Variants in HAS3 observed in about 807,000 individuals in gnomAD.
HAS3 encodes the protein HA synthase 3.
HAS3 carries 27 observed loss-of-function variants against 50.3 expected under a neutral mutation model. The observed-to-expected ratio is 0.54, with a 90% CI of 0.40 to 0.74. The LOEUF (loss-of-function observed/expected upper bound fraction) is 0.74. Among genes scored for constraint, HAS3 ranks in the 30% least tolerant of loss-of-function variants. The pLI is 0.00. For synonymous variants in HAS3, 339 were observed against 310.9 expected, an observed-to-expected ratio of 1.09 and a Z score of -0.95; for missense variants, 517 against 742.8, an observed-to-expected ratio of 0.70 and a Z score of 3.53.
In HAS3 at chr16:69,109,721, A is replaced by G; in HGVS notation, c.326A>G (p.Gln109Arg). The G allele has an allele frequency of 6.2e-7, 1 of 1,611,004 alleles. No homozygotes were observed. Among genetic ancestry groups the G allele is most frequent in the African/African-American group, 1.3e-5 (1 of 75,040 alleles). ...TTGCGCAAGTGCCTGCGCTCGGCCC[A>G]GCGCATCTCCTTCCCTGACCTCAAG... Reference protein sequence around the residue: ...DYLRKCLRSAQRISFPDLKVV... With the variant: ...DYLRKCLRSARRISFPDLKVV... Residue 109 changes from glutamine (Q) to arginine (R), a missense_variant, in exon 2 of 4, where the codon CAG becomes CGG. Gln to Arg is a conservative substitution (Grantham distance 43). Transcript: ENST00000569188. The surrounding 1 kb of genome is among the most constrained non-coding windows in gnomAD (Gnocchi z 5.3).
chr16:69,089,545 C>T, the HAS3 span, among the ~76,000 whole-genome samples: 5 of 152,206 alleles, frequency 3.3e-5, no homozygotes, highest in Non-Finnish European at 7.3e-5. Context: ...CACTGCAGTG[C>T]GCGGCACCTC....
rs1407119538 is a variant in HAS3, at chr16:69,114,951, C to A, written c.1347C>A (p.Ser449Arg). 2 of 1,614,134 alleles carry A rather than the reference C, an allele frequency of 1.2e-6. No homozygotes were observed. The highest frequency in any genetic ancestry group is 1.7e-6 in the Non-Finnish European group (2 of 1,180,014). Residue 449 changes from serine (S) to arginine (R), a missense_variant, in exon 4 of 4, where the codon AGC (serine) becomes AGA (arginine). Coordinates refer to ENST00000569188, the MANE Select transcript of HAS3 (RefSeq NM_001199280.2). The surrounding 1 kb of genome is among the most constrained non-coding windows in gnomAD (Gnocchi z 6.4). The part of the protein sequence containing the change: ...MSLYSLLYMS[S>R]LLPAKIFAIA... ...TCTACTCCCTCCTCTATATGTCCAG[C>A]CTTCTGCCGGCCAAGATCTTTGCCA...
intron 2 of HAS3, among the ~76,000 whole-genome samples, chr16:69,111,555 G>A (rs139769205): frequency 1.3e-3 from 192 of 152,310 alleles, no homozygotes; most frequent in Non-Finnish European, 1.8e-3. Flanking sequence ...CCCCTAATAC[G>A]ATTTTTCTCT....
chr16:69,091,602 T>C, the HAS3 span, among the ~76,000 whole-genome samples: 1 of 152,114 alleles, frequency 6.6e-6, no homozygotes, highest in African/African-American at 2.4e-5. Flanking sequence ...TCTAAATAAT[T>C]CAGGACTAGG....
the HAS3 span, among the ~76,000 whole-genome samples, chr16:69,088,837 G>A: frequency 5.3e-5 from 8 of 152,092 alleles, no homozygotes; most frequent in Non-Finnish European, 1.0e-4. Context: ...TAAGAGGATC[G>A]CTTGTGTCCA....
chr16:69,093,625 G>C, the HAS3 span, among the ~76,000 whole-genome samples: 1 of 146,432 alleles, frequency 6.8e-6, no homozygotes, highest in Non-Finnish European at 1.5e-5. Context: ...CCACCTCCCG[G>C]GTTCAGGCAT....
At chr16:69,099,741 T>C in the HAS3 span, among the ~76,000 whole-genome samples, 2 of 152,222 alleles carry the variant, frequency 1.3e-5, no homozygotes, top group East Asian at 1.9e-4. Flanking sequence ...TATTCCTCCA[T>C]TGTCCTCATG....
chr16:69,110,773 C>T (rs1329729987), intron 2 of HAS3, among the ~76,000 whole-genome samples: 2 of 152,210 alleles, frequency 1.3e-5, no homozygotes, highest in African/African-American at 4.8e-5. Flanking sequence ...TGATGCAGCA[C>T]TGCCTCAGCA....
At position 69,109,252 on chromosome 16, in the gene HAS3, G is replaced by C. The variant is rs916466438; in HGVS notation, c.1-144G>C. The C allele has an allele frequency of 1.5e-5, 12 of 789,090 alleles. No individual in the cohort carries two copies. Among genetic ancestry groups the C allele is most frequent in the Non-Finnish European group, 2.4e-5 (12 of 508,436 alleles). The allele number at this position is 789,090 out of a possible 1,614,324, so 48.9% of individuals were successfully genotyped here. ...TCTGAACCCCAGTAGTCTGGCTTCT[G>C]AGTCTACCAAGTCTTATGCTCAGTA... On this transcript the variant is annotated intron_variant, in intron 1 of 3. Transcript: ENST00000569188. The surrounding 1 kb of genome is among the most constrained non-coding windows in gnomAD (Gnocchi z 5.3).
rs529431373 is a variant in HAS3 at position 69,111,831 on chromosome 16, G to C, written c.637-1610G>C. On this transcript the variant is annotated intron_variant, in intron 2 of 3. Transcript: ENST00000569188. ...CACAGGCTCAAGCCACAGTGACTTT[G>C]TCATCTATTCCCTTCAAGCACAGGA... Among the ~76,000 whole-genome samples, 42 of 152,268 alleles carry C rather than the reference G, an allele frequency of 2.8e-4. 2 individuals are homozygous for C. The South Asian group carries it at 6.8e-3, about 25-fold the overall frequency.
the HAS3 span, among the ~76,000 whole-genome samples, chr16:69,086,548 G>A: frequency 2.0e-5 from 3 of 151,850 alleles, no homozygotes; most frequent in Non-Finnish European, 4.4e-5. Flanking sequence ...GTGTGTGTGT[G>A]TGTGTGTGTG....
In HAS3 at chr16:69,107,311, G is replaced by A. The variant is rs1567578092; in HGVS notation, c.-1+1524G>A. On this transcript the variant is annotated intron_variant, in intron 1 of 3. Transcript: ENST00000569188. The surrounding 1 kb of genome is among the most constrained non-coding windows in gnomAD (Gnocchi z 5.5). ...TAATGCCTCTAATTCCTGCGGGGGA[G>A]GGGTCCCGCCCAGGGAAGGAGAGGG... 1 of 980,968 alleles carries A rather than the reference G, an allele frequency of 1.0e-6. No homozygotes were observed. Among genetic ancestry groups the A allele is most frequent in the Non-Finnish European group, 1.2e-6 (1 of 825,928 alleles). 60.8% of individuals were successfully genotyped at this position (980,968 alleles called of 1,614,324 possible). A position where few individuals can be genotyped will look rare whatever the true frequency, so the allele number is the denominator to read the frequency against.
chr16:69,104,876 C>A (rs1294421277), upstream of HAS3, among the ~76,000 whole-genome samples: 2 of 150,848 alleles, frequency 1.3e-5, no homozygotes, highest in African/African-American at 2.4e-5. Flanking sequence ...CTAAAACTTG[C>A]GAGAGGAGAA....
the HAS3 span, among the ~76,000 whole-genome samples, chr16:69,088,377 T>TGGCGAAA: frequency 6.6e-6 from 1 of 151,696 alleles, no homozygotes; most frequent in Non-Finnish European, 1.5e-5. Context: ...CTGGCCAACA[T>TGGCGAAA]GGCGAAACCC....
Position 69,115,119 on chromosome 16 carries a change from C to G in HAS3, c.1515C>G (p.Phe505Leu). The G allele has an allele frequency of 6.2e-7, 1 of 1,611,316 alleles. No homozygotes were observed. Among genetic ancestry groups the G allele is most frequent in the Middle Eastern group, 1.7e-4 (1 of 6,048 alleles). The part of the protein sequence containing the change: ...LAYTAYCQDL[F>L]SETELAFLVS... Reference sequence around the variant, plus strand: ...ACACAGCTTATTGCCAGGACCTGTTCAGTGAGACAGAGCTAGCCTTCCTTG... The same window carrying G: ...ACACAGCTTATTGCCAGGACCTGTTGAGTGAGACAGAGCTAGCCTTCCTTG... Residue 505 changes from phenylalanine to leucine, a missense_variant, in exon 4 of 4, where the codon TTC becomes TTG. Transcript: ENST00000569188.
In HAS3 at chr16:69,109,129, C is replaced by A. The variant is rs1077518; in HGVS notation, c.1-267C>A. 0.023 allele frequency among the ~76,000 whole-genome samples: 3,466 copies of A among 152,290 alleles called. 135 individuals are homozygous for A. The highest frequency in any genetic ancestry group is 0.08 in the African/African-American group (3,309 of 41,542). On this transcript the variant is annotated intron_variant, in intron 1 of 3. Transcript: ENST00000569188. This position sits in a 1 kb window ranked among gnomAD's most constrained non-coding sequence, Gnocchi z 5.3. ...GCTACACTAAGGGCTTTGTATGTGT[C>A]GCCCATTTAACCCTCAAAGATGCCT...
the HAS3 span, among the ~76,000 whole-genome samples, chr16:69,099,173 G>A: frequency 1.6e-4 from 24 of 151,376 alleles, no homozygotes; most frequent in East Asian, 3.9e-4. Flanking sequence ...GGGTTTCACC[G>A]TGTTAGCCAG....
Position 69,114,218 on chromosome 16 carries a change from G to A in HAS3, c.739-125G>A, listed in dbSNP as rs1222497185. On this transcript the variant is annotated intron_variant, in intron 3 of 3. Transcript: ENST00000569188. The surrounding 1 kb of genome is among the most constrained non-coding windows in gnomAD (Gnocchi z 6.4). ...GAGCCTCAGGTTTCCCAGCTCCAAA[G>A]GAACCGATGGCCAGGAATCTAAGCA... is the stretch of plus-strand genomic sequence containing the variant. 1 of 1,437,642 alleles carries A rather than the reference G, an allele frequency of 7.0e-7. No homozygotes were observed. Among genetic ancestry groups the A allele is most frequent in the Non-Finnish European group, 9.3e-7 (1 of 1,080,374 alleles). 89.1% of individuals were successfully genotyped at this position (1,437,642 alleles called of 1,614,324 possible). A position where few individuals can be genotyped will look rare whatever the true frequency, so the allele number is the denominator to read the frequency against.
In HAS3 at chr16:69,112,214, C is replaced by A. The variant is rs116934840; in HGVS notation, c.637-1227C>A. 9.8e-3 allele frequency among the ~76,000 whole-genome samples: 1,486 copies of A among 152,352 alleles called. 12 individuals are homozygous for A. Among genetic ancestry groups the A allele is most frequent in the Middle Eastern group, 0.054 (16 of 294 alleles). On this transcript the variant is annotated intron_variant, in intron 2 of 3. Coordinates refer to ENST00000569188, the MANE Select transcript of HAS3 (RefSeq NM_001199280.2). ...GGGCTAGGGCAGGGGCAGGGAGGAG[C>A]AGTGAGACCAGCAGAACAGCAGCAG...
Sources: allele counts gnomAD v4.1 joint callset (sites outside exome capture counted in the v4.1 genomes callset), GRCh38; gene constraint gnomAD v4.1.1; non-coding constraint Gnocchi (gnomAD v3.1); transcripts MANE v1.5; gene names NCBI Gene and HGNC (gene_info 2026-07-23, HGNC 2026-07-21).